HPSE2: variants seen among roughly 807,000 people sequenced by gnomAD.
HPSE2 encodes heparanase 2 (inactive).
In HPSE2, 38 loss-of-function variants were observed where a neutral mutation model predicts 60.5. The observed-to-expected ratio is 0.63, with a 90% CI of 0.48 to 0.82. The LOEUF (loss-of-function observed/expected upper bound fraction) is 0.82, where lower values mean the gene tolerates loss of function less well. Ranked by LOEUF, HPSE2 falls within the 40% of genes least tolerant of loss-of-function variation. HPSE2 has a pLI of 0.00. For missense variants in HPSE2, 713 were observed against 740.4 expected (o/e 0.96, Z 0.43); for synonymous variants, 295 against 293.2 (o/e 1.01, Z -0.06).
intron 2 of HPSE2, among the ~76,000 whole-genome samples, chr10:99,160,421 T>C (rs1368170508): frequency 1.3e-5 from 2 of 152,090 alleles, no homozygotes; most frequent in Admixed American, 1.3e-4. Flanking sequence ...AAACCGACAA[T>C]ACCAAGTGCT....
intron 11 of HPSE2, chr10:98,461,839 G>T: frequency 6.4e-7 from 1 of 1,563,824 alleles, no homozygotes; most frequent in Non-Finnish European, 8.7e-7. Context: ...GCAAAACAAC[G>T]TGTGATTAGC....
At chr10:99,269,822 G>C in the HPSE2 span, among the ~76,000 whole-genome samples, 2 of 152,142 alleles carry the variant, frequency 1.3e-5, no homozygotes, top group Non-Finnish European at 2.9e-5. Context: ...AACTCCGAAA[G>C]GAACCCTCAA....
chr10:98,724,575 C>A (rs895186180), intron 4 of HPSE2, among the ~76,000 whole-genome samples: 8 of 152,140 alleles, frequency 5.3e-5, no homozygotes, highest in African/African-American at 1.7e-4. Flanking sequence ...TTGTTAAAGT[C>A]TCCCATTATT....
chr10:98,980,392 A>C (rs1218614257), intron 3 of HPSE2, among the ~76,000 whole-genome samples: 1 of 152,202 alleles, frequency 6.6e-6, no homozygotes, highest in Admixed American at 6.5e-5. Context: ...TAATTGAGCA[A>C]GGAAAAAAAA....
At chr10:98,529,123 T>A (rs909251109) in intron 9 of HPSE2, among the ~76,000 whole-genome samples, 20 of 152,238 alleles carry the variant, frequency 1.3e-4, no homozygotes, top group African/African-American at 4.6e-4. Context: ...ACACACTCAG[T>A]GATAGCCTCA....
At chr10:98,885,642 T>C (rs1953142218) in intron 3 of HPSE2, among the ~76,000 whole-genome samples, 1 of 152,066 alleles carries the variant, frequency 6.6e-6, no homozygotes, top group African/African-American at 2.4e-5. Context: ...ACATTACAAC[T>C]CACTGAAGTT....
At chr10:99,146,799 T>A (rs578241881) in intron 2 of HPSE2, among the ~76,000 whole-genome samples, 20 of 152,272 alleles carry the variant, frequency 1.3e-4, no homozygotes, top group African/African-American at 4.8e-4. Flanking sequence ...AAGCGGAGGT[T>A]GCAGTGAGCC....
At chr10:98,884,746 G>C (rs1215272355) in intron 3 of HPSE2, among the ~76,000 whole-genome samples, 2 of 151,964 alleles carry the variant, frequency 1.3e-5, no homozygotes, top group Non-Finnish European at 2.9e-5. Context: ...CGGTTTCAGG[G>C]TGAAACTGTT....
intron 6 of HPSE2, among the ~76,000 whole-genome samples, chr10:98,687,730 T>C (rs1947954086): frequency 6.6e-6 from 1 of 152,194 alleles, no homozygotes; most frequent in Non-Finnish European, 1.5e-5. Flanking sequence ...AATCCTCCTT[T>C]TTTTGAAGCC....
intron 3 of HPSE2, among the ~76,000 whole-genome samples, chr10:98,983,860 C>T (rs551380566): frequency 3.3e-5 from 5 of 152,288 alleles, no homozygotes; most frequent in Middle Eastern, 3.4e-3. Flanking sequence ...GCGCCTGGCT[C>T]GGAGGGACCT....
At chr10:98,907,311 T>C (rs1200556348) in intron 3 of HPSE2, among the ~76,000 whole-genome samples, 1 of 152,126 alleles carries the variant, frequency 6.6e-6, no homozygotes, top group Non-Finnish European at 1.5e-5. Context: ...GTAATCAATA[T>C]ATGAAATCTT....
chr10:99,127,280 A>G (rs1845198960), intron 3 of HPSE2, among the ~76,000 whole-genome samples: 1 of 152,202 alleles, frequency 6.6e-6, no homozygotes, highest in Non-Finnish European at 1.5e-5. Flanking sequence ...TGCTTCAGAG[A>G]AATAGATATC....
At chr10:99,313,974 C>CT in the HPSE2 span, among the ~76,000 whole-genome samples, 1 of 152,024 alleles carries the variant, frequency 6.6e-6, no homozygotes, top group Non-Finnish European at 1.5e-5. Context: ...ACAGAGAAAT[C>CT]TTTTAAGTGA....
intron 3 of HPSE2, among the ~76,000 whole-genome samples, chr10:99,011,186 T>A (rs985833361): frequency 6.6e-6 from 1 of 152,092 alleles, no homozygotes; most frequent in Non-Finnish European, 1.5e-5. Flanking sequence ...TAAAACCATG[T>A]AGACAAATAT....
intron 3 of HPSE2, among the ~76,000 whole-genome samples, chr10:98,941,588 A>G (rs1395110623): frequency 7.1e-6 from 1 of 141,050 alleles, no homozygotes; most frequent in Admixed American, 7.1e-5. Flanking sequence ...GAGGATACAA[A>G]CAAATGGAAG....
At chr10:99,156,404 G>GCA (rs1215398954) in intron 2 of HPSE2, among the ~76,000 whole-genome samples, 12 of 140,172 alleles carry the variant, frequency 8.6e-5, no homozygotes, top group African/African-American at 3.0e-4. Context: ...TATCCACCAT[G>GCA]ATCAAGTGGG....
intron 5 of HPSE2, among the ~76,000 whole-genome samples, chr10:98,709,064 A>T (rs17110705): frequency 0.013 from 2,042 of 152,274 alleles, 38 homozygotes; most frequent in African/African-American, 0.046. Context: ...GACACTGTGG[A>T]GGACAATTCC....
chr10:99,168,930 T>C (rs919036293), intron 2 of HPSE2, among the ~76,000 whole-genome samples: 16 of 151,994 alleles, frequency 1.1e-4, no homozygotes, highest in African/African-American at 3.4e-4. Context: ...CATGGTGGCT[T>C]GCGCCTGTAA....
At chr10:98,839,794 T>A (rs549267458) in intron 3 of HPSE2, among the ~76,000 whole-genome samples, 96 of 152,228 alleles carry the variant, frequency 6.3e-4, no homozygotes, top group African/African-American at 2.3e-3. Context: ...CCATAAATGG[T>A]AAAGCGTAGG....
Sources: allele counts gnomAD v4.1 joint callset (sites outside exome capture counted in the v4.1 genomes callset), GRCh38; gene constraint gnomAD v4.1.1; transcripts MANE v1.5; gene names NCBI Gene and HGNC (gene_info 2026-07-23, HGNC 2026-07-21).